DOCK10: variants seen among roughly 807,000 people sequenced by gnomAD.
DOCK10 encodes dedicator of cytokinesis protein 10.
Under a neutral mutation model 280.1 loss-of-function variants are expected in DOCK10, and 145 were observed. The ratio of observed to expected loss-of-function variants is 0.52; its 90% CI spans 0.45 to 0.59. The LOEUF (loss-of-function observed/expected upper bound fraction) is 0.59. Among genes scored for constraint, DOCK10 ranks in the 20% least tolerant of loss-of-function variants. The probability of loss-of-function intolerance (pLI) is 0.00; values close to 1 mark genes in which losing one functional copy is unlikely to be tolerated. For missense variants in DOCK10, 2,368 were observed against 2,651.7 expected (o/e 0.89, Z 2.35); for synonymous variants, 915 against 942.2 (o/e 0.97, Z 0.53).
chr2:224,953,882 G>T (rs1382447527), intron 1 of DOCK10, among the ~76,000 whole-genome samples: 1 of 152,074 alleles, frequency 6.6e-6, no homozygotes, highest in African/African-American at 2.4e-5. Context: ...CAATAACAGA[G>T]ACTGCAGTTT....
chr2:224,877,697 G>A (rs1473830624), intron 7 of DOCK10, among the ~76,000 whole-genome samples: 3 of 152,204 alleles, frequency 2.0e-5, no homozygotes, highest in African/African-American at 4.8e-5. Context: ...GTAGAAAGGA[G>A]AAATGGGCTA....
At chr2:224,907,069 C>G (rs1051571881) in intron 3 of DOCK10, among the ~76,000 whole-genome samples, 18 of 152,174 alleles carry the variant, frequency 1.2e-4, no homozygotes, top group Middle Eastern at 3.2e-3. Context: ...TTAGCTCCAC[C>G]TAACTGAATT....
At chr2:224,944,982 T>C (rs1703313617) in intron 1 of DOCK10, among the ~76,000 whole-genome samples, 1 of 152,196 alleles carries the variant, frequency 6.6e-6, no homozygotes. Context: ...TAGCAATACA[T>C]TCAAATTCAA....
At chr2:224,904,707 A>C (rs1305156062) in intron 3 of DOCK10, among the ~76,000 whole-genome samples, 1 of 152,212 alleles carries the variant, frequency 6.6e-6, no homozygotes, top group African/African-American at 2.4e-5. Context: ...GGCAAGTGTG[A>C]GTGCACAGTA....
intron 53 of DOCK10, among the ~76,000 whole-genome samples, chr2:224,772,172 C>T (rs930562532): frequency 9.2e-5 from 14 of 152,086 alleles, no homozygotes; most frequent in South Asian, 2.1e-4. Context: ...CCATCCATCT[C>T]GGCCTCCCAA....
intron 3 of DOCK10, among the ~76,000 whole-genome samples, chr2:224,900,278 A>T (rs1700220784): frequency 6.8e-6 from 1 of 146,274 alleles, no homozygotes; most frequent in Non-Finnish European, 1.5e-5. Context: ...TGATACTAGT[A>T]AAAAAAAAAA....
intron 31 of DOCK10, among the ~76,000 whole-genome samples, chr2:224,809,513 C>T (rs1325419097): frequency 6.6e-6 from 1 of 151,972 alleles, no homozygotes; most frequent in Non-Finnish European, 1.5e-5. Context: ...AACAAACAAA[C>T]AAAAACAACC....
chr2:225,019,785 C>T (rs183924049), intron 1 of DOCK10, among the ~76,000 whole-genome samples: 5 of 152,172 alleles, frequency 3.3e-5, no homozygotes, highest in Admixed American at 1.3e-4. Context: ...TTTTAATGTT[C>T]GGTTCTCATT....
chr2:224,823,967 C>A (rs1366564900), intron 27 of DOCK10, among the ~76,000 whole-genome samples: 1 of 152,010 alleles, frequency 6.6e-6, no homozygotes, highest in East Asian at 1.9e-4. Context: ...TGTGGCCTCT[C>A]ATATCTTACT....
chr2:224,792,982 C>T lies in DOCK10; in HGVS notation c.5303G>A (p.Ser1768Asn). Residue 1768 changes from serine (S) to asparagine (N), a missense_variant, in exon 47 of 56, where the codon AGT (serine) becomes AAT (asparagine). Physicochemically the swap from Ser to Asn is conservative, Grantham distance 46 (BLOSUM62 1). Around this residue, in one of 2 missense-constraint regions of DOCK10, gnomAD observed 1,159 missense variants for 1,400.8 expected, o/e 0.83. Transcript: ENST00000258390. ...GCAGTTAGGTCACTCACTTCCTCCA[C>T]TGGGAGTTGTTAGTAATGAGTTGCT... ...CDSNSLLTTP[S>N]GGSMFSMGWP... is the part of the protein sequence containing the mutation. 6.2e-7 allele frequency: 1 copy of T among 1,611,910 alleles called. No individual in the cohort carries two copies. Among genetic ancestry groups the T allele is most frequent in the Non-Finnish European group, 8.5e-7 (1 of 1,178,320 alleles).
chr2:224,817,409 G>A (rs1051099550), intron 29 of DOCK10, among the ~76,000 whole-genome samples: 1 of 152,038 alleles, frequency 6.6e-6, no homozygotes, highest in Non-Finnish European at 1.5e-5. Flanking sequence ...GACTAAGTTC[G>A]ATGATCATCA....
intron 1 of DOCK10, among the ~76,000 whole-genome samples, chr2:224,952,494 C>T (rs758500658): frequency 6.6e-6 from 1 of 150,718 alleles, no homozygotes; most frequent in Non-Finnish European, 1.5e-5. Context: ...GAGAGCTCAA[C>T]AAAGTTGGAA....
chr2:224,866,790 T>A (rs188870602), intron 11 of DOCK10, among the ~76,000 whole-genome samples: 166 of 152,288 alleles, frequency 1.1e-3, no homozygotes, highest in African/African-American at 3.8e-3. Context: ...CGATAATTAG[T>A]GTTAGTGTGA....
At chr2:224,879,929 T>C (rs1305048701) in intron 7 of DOCK10, among the ~76,000 whole-genome samples, 1 of 152,028 alleles carries the variant, frequency 6.6e-6, no homozygotes, top group Admixed American at 6.6e-5. Flanking sequence ...AGAATTTGAG[T>C]GATGAATTTG....
intron 2 of DOCK10, among the ~76,000 whole-genome samples, chr2:224,923,833 A>G (rs961999271): frequency 6.6e-6 from 1 of 151,954 alleles, no homozygotes; most frequent in African/African-American, 2.4e-5. Context: ...TCCAACACAC[A>G]TTTTTCTTCC....
rs2126289963 is a variant in DOCK10 at position 225,005,001 on chromosome 2, A to G, written c.123+37251T>C. Among the ~76,000 whole-genome samples the G allele has an allele frequency of 1.3e-5, 2 of 152,358 alleles. 1 individual carries two copies. The highest frequency in any genetic ancestry group is 4.1e-4 in the South Asian group (2 of 4,830). The stretch of plus-strand genomic sequence containing the variant: ...TGAACATTAAATTAAATCTATAAAG[A>G]GCCTAAAATCAATCAACCCCTTCAT... On this transcript the variant is annotated intron_variant, in intron 1 of 55. Coordinates refer to ENST00000258390, the MANE Select transcript of DOCK10 (RefSeq NM_014689.3).
At chr2:224,976,366 C>T (rs910098383) in intron 1 of DOCK10, among the ~76,000 whole-genome samples, 6 of 152,132 alleles carry the variant, frequency 3.9e-5, no homozygotes, top group East Asian at 1.9e-4. Flanking sequence ...CAAACCTGCA[C>T]GTTCTGCACA....
rs147245979 is a variant in DOCK10 at position 224,971,005 on chromosome 2, C to G, written c.124-39337G>C. Among the ~76,000 whole-genome samples, 1,080 of 152,202 alleles carry G rather than the reference C, an allele frequency of 7.1e-3. 13 individuals are homozygous for G. Among genetic ancestry groups the G allele is most frequent in the African/African-American group, 0.024 (1,004 of 41,510 alleles). ...AATGTGGGTCTCATCATTTTGAGAC[C>G]TGAACAAATACCCTTGCTCTGCCAG... On this transcript the variant is annotated intron_variant, in intron 1 of 55. Coordinates refer to ENST00000258390, the MANE Select transcript of DOCK10 (RefSeq NM_014689.3).
intron 2 of DOCK10, among the ~76,000 whole-genome samples, chr2:224,918,926 G>A (rs1309200318): frequency 1.4e-5 from 2 of 147,104 alleles, no homozygotes; most frequent in Non-Finnish European, 3.0e-5. Flanking sequence ...GGTATGTGTG[G>A]TGTGTATGTG....
Sources: gnomAD v4.1 joint callset for allele counts (sites outside exome capture counted in the v4.1 genomes callset) on GRCh38, gnomAD v4.1.1 for gene constraint, gnomAD v4.1.1 regional missense constraint, MANE v1.5 for transcripts, NCBI Gene and HGNC (gene_info 2026-07-23, HGNC 2026-07-21) for gene names.